The following OSGEP variants were observed in gnomAD, a reference collection of about 807,000 sequenced individuals.
OSGEP encodes O-sialoglycoprotein endopeptidase, also known as tRNA N6-adenosine threonylcarbamoyltransferase.
Under a neutral mutation model 44.1 loss-of-function variants are expected in OSGEP, and 39 were observed. The observed-to-expected ratio is 0.88, with a 90% confidence interval of 0.69 to 1.16. The LOEUF (loss-of-function observed/expected upper bound fraction) is 1.16, where lower values mean the gene tolerates loss of function less well. Among genes scored for constraint, OSGEP ranks in the 50% most tolerant of loss-of-function variants. The probability of loss-of-function intolerance (pLI) is 0.00; values close to 1 mark genes in which losing one functional copy is unlikely to be tolerated. For missense variants in OSGEP, 403 were observed against 443.1 expected, an observed-to-expected ratio of 0.91 and a Z score of 0.81; for synonymous variants, 139 against 161.9, an observed-to-expected ratio of 0.86 and a Z score of 1.07.
At chr14:20,451,872 T>C in intron 3 of OSGEP, 102 bp downstream of exon 3, 1 of 1,099,002 alleles carries the variant, frequency 9.1e-7, no homozygotes, top group Non-Finnish European at 1.3e-6. Flanking sequence ...TTCAGATAAG[T>C]CCATCTTTGT....
chr14:20,449,144 A>G (rs1341714085), intron 4 of OSGEP, 27 bp downstream of exon 4: 2 of 1,564,934 alleles, frequency 1.3e-6, no homozygotes, highest in Non-Finnish European at 1.8e-6. Flanking sequence ...CCCACATTTT[A>G]TGTTCTCTGC....
intron 10 of OSGEP, 39 bp downstream of exon 10, chr14:20,447,383 T>A: frequency 6.2e-7 from 1 of 1,603,796 alleles, no homozygotes; most frequent in Non-Finnish European, 8.5e-7. Context: ...TTTGTCTATG[T>A]CCCAATAATC....
chr14:20,454,724 T>C lies in OSGEP; in HGVS notation c.-41A>G, dbSNP rs768949628. On this transcript the variant is annotated 5_prime_UTR_variant, in exon 1 of 11. Transcript: ENST00000206542. ...AAAACGCCGACAGGACTCCTGGCAA[T>C]GTCAGGAGCTGTGGAGGTCCTCACT... The C allele has an allele frequency of 2.2e-5, 32 of 1,466,742 alleles. No individual in the cohort carries two copies. Among genetic ancestry groups the C allele is most frequent in the Middle Eastern group, 1.7e-4 (1 of 5,736 alleles). 90.9% of individuals were successfully genotyped at this position (1,466,742 alleles called of 1,614,324 possible). A position where few individuals can be genotyped will look rare whatever the true frequency, so the allele number is the denominator to read the frequency against.
intron 6 of OSGEP, 40 bp from the exon 7 acceptor site, chr14:20,448,211 G>A: frequency 6.4e-7 from 1 of 1,565,858 alleles, no homozygotes; most frequent in Non-Finnish European, 8.8e-7. Context: ...AACAAATCAT[G>A]GTTTTGGGAT....
Position 20,447,245 on chromosome 14 carries a change from C to T in OSGEP, c.1003G>A (p.Asp335Asn), listed in dbSNP as rs141130906. The T allele has an allele frequency of 1.2e-6, 2 of 1,613,736 alleles. No homozygotes were observed. Among genetic ancestry groups the T allele is most frequent in the African/African-American group, 2.7e-5 (2 of 74,912 alleles). ...RTDEVEVTWR[D>N] is the part of the protein sequence containing the mutation. The stretch of plus-strand genomic sequence containing the variant: ...CTCTGATTCTGTTGATCTTATTAGT[C>T]CCTCCAGGTCACCTCTACTTCATCT... Residue 335 changes from aspartate (D) to asparagine (N), a missense_variant, in exon 11 of 11, where the codon GAC becomes AAC. Transcript: ENST00000206542.
In OSGEP at chr14:20,447,634, G is replaced by A. The variant is rs1183576123; in HGVS notation, c.850C>T (p.Leu284Phe). Residue 284 changes from leucine (L) to phenylalanine (F), a missense_variant, in exon 9 of 11, where the codon CTT (leucine) becomes TTT (phenylalanine). Leu to Phe is a conservative substitution (Grantham distance 22). Coordinates refer to ENST00000206542, the MANE Select transcript of OSGEP (RefSeq NM_017807.4). ...CTTTACCTCTCATCTGTAGCAAAAA[G>A]CCGGGCTCCACGTTCCTGGCACATT... The part of the protein sequence containing the change: ...ATMCQERGAR[L>F]FATDERFCID... The A allele has an allele frequency of 2.5e-6, 4 of 1,613,920 alleles. No individual in the cohort carries two copies. Among genetic ancestry groups the A allele is most frequent in the African/African-American group, 1.3e-5 (1 of 74,912 alleles).
At chr14:20,447,393 C>T in intron 10 of OSGEP, 29 bp downstream of exon 10, 1 of 1,606,662 alleles carries the variant, frequency 6.2e-7, no homozygotes, top group South Asian at 1.1e-5. Flanking sequence ...TCCCAATAAT[C>T]TACCCTCACC....
At chr14:20,451,463 A>G (rs143132842) in intron 3 of OSGEP, 247 of 166,454 alleles carry the variant, frequency 1.5e-3, no homozygotes, top group African/African-American at 5.6e-3. Context: ...CTGCCACCAC[A>G]TCAAATTAAT....
rs1469603424 is a variant in OSGEP, at chr14:20,447,124, C to T, written c.*116G>A. On this transcript the variant is annotated 3_prime_UTR_variant, in exon 11 of 11. Coordinates refer to ENST00000206542, the MANE Select transcript of OSGEP (RefSeq NM_017807.4). ...CTGGGGTTCCATAAAGGACCCCAAG[C>T]CTTGCTTGGAGTCTATAGCTTTGCT... 8 of 882,592 alleles carry T rather than the reference C, an allele frequency of 9.1e-6. No individual in the cohort carries two copies. The East Asian group carries it at 1.9e-4, about 21-fold the overall frequency. 54.7% of individuals were successfully genotyped at this position (882,592 alleles called of 1,614,324 possible). A position where few individuals can be genotyped will look rare whatever the true frequency, so the allele number is the denominator to read the frequency against.
intron 3 of OSGEP, 129 bp downstream of exon 3, chr14:20,451,845 G>A (rs1881107348): frequency 9.7e-6 from 8 of 826,064 alleles, no homozygotes; most frequent in African/African-American, 1.8e-5. Flanking sequence ...GGGTTTTCTG[G>A]TCTACAGTAT....
Position 20,446,943 on chromosome 14 carries a change from T to TAA in OSGEP, c.*295_*296dup, listed in dbSNP as rs5807036. On this transcript the variant is annotated 3_prime_UTR_variant, in exon 11 of 11. Transcript: ENST00000206542. ...GGAAACACAGCAAGATTCCGTTTCT[T>TAA]AAAAAAAAAAAAAAAGATACCTCAT... is the stretch of plus-strand genomic sequence containing the variant. 2.2e-3 allele frequency: 651 copies of TAA among 294,312 alleles called. 2 individuals are homozygous for TAA. The highest frequency in any genetic ancestry group is 6.9e-3 in the African/African-American group (304 of 44,098). 18.2% of individuals were successfully genotyped at this position (294,312 alleles called of 1,614,324 possible).
intron 4 of OSGEP, 33 bp from the exon 5 acceptor site, chr14:20,449,046 T>C: frequency 1.9e-6 from 3 of 1,580,238 alleles, no homozygotes; most frequent in Non-Finnish European, 2.6e-6. Context: ...AAGGAGGGAA[T>C]GGAAGAGGAT....
rs761507305 is a variant in OSGEP, at chr14:20,447,181, G to A, written c.*59C>T. 75 of 1,451,024 alleles carry A rather than the reference G, an allele frequency of 5.2e-5. No homozygotes were observed. Among genetic ancestry groups the A allele is most frequent in the Non-Finnish European group, 6.3e-5 (65 of 1,031,506 alleles). 89.9% of individuals were successfully genotyped at this position (1,451,024 alleles called of 1,614,324 possible). A position where few individuals can be genotyped will look rare whatever the true frequency, so the allele number is the denominator to read the frequency against. ...CCCATGACATCAGGATAGAGATTGA[G>A]GCACGGGGTCCTTTGGGTTCCGATT... On this transcript the variant is annotated 3_prime_UTR_variant, in exon 11 of 11. Coordinates refer to ENST00000206542, the MANE Select transcript of OSGEP (RefSeq NM_017807.4).
In OSGEP at chr14:20,447,182, G is replaced by GC. The variant is rs1002386972; in HGVS notation, c.*57dup. Reference sequence around the variant, plus strand: ...CCATGACATCAGGATAGAGATTGAGGCACGGGGTCCTTTGGGTTCCGATTA... The same window carrying GC: ...CCATGACATCAGGATAGAGATTGAGGCCACGGGGTCCTTTGGGTTCCGATTA... On this transcript the variant is annotated 3_prime_UTR_variant, in exon 11 of 11. Coordinates refer to ENST00000206542, the MANE Select transcript of OSGEP (RefSeq NM_017807.4). 1.2e-5 allele frequency: 18 copies of GC among 1,449,102 alleles called. No individual in the cohort carries two copies. The African/African-American group carries it at 2.2e-4, about 18-fold the overall frequency. 89.8% of individuals were successfully genotyped at this position (1,449,102 alleles called of 1,614,324 possible). A position where few individuals can be genotyped will look rare whatever the true frequency, so the allele number is the denominator to read the frequency against.
rs771324521 is a variant in OSGEP, at chr14:20,447,381, T to C, written c.968+41A>G. 32 of 1,604,504 alleles carry C rather than the reference T, an allele frequency of 2.0e-5. No individual in the cohort carries two copies. The East Asian group carries it at 5.6e-4, about 28-fold the overall frequency. ...GACTCTTCCCTGCTGTTTTTGTCTA[T>C]GTCCCAATAATCTACCCTCACCAAG... On this transcript the variant is annotated intron_variant, in intron 10 of 10. Transcript: ENST00000206542.
intron 3 of OSGEP, chr14:20,449,671 C>T (rs1239515005): frequency 1.3e-5 from 3 of 230,546 alleles, no homozygotes; most frequent in East Asian, 1.1e-4. Flanking sequence ...GACAGGGTCT[C>T]GCTCTGTCTC....
At chr14:20,450,119 C>T (rs768844561) in intron 3 of OSGEP, 4 of 151,740 alleles carry the variant, frequency 2.6e-5, no homozygotes, top group Non-Finnish European at 4.4e-5. Flanking sequence ...TCTCAGCTCA[C>T]TGCAACCTCT....
At chr14:20,447,795 G>A (rs553854967) in intron 8 of OSGEP, 105 bp from the exon 9 acceptor site, 1 of 1,230,102 alleles carries the variant, frequency 8.1e-7, no homozygotes, top group African/African-American at 1.5e-5. Flanking sequence ...TAGGGGATTA[G>A]GGGCAAGGAT....
rs1371351164 is a variant in OSGEP, at chr14:20,446,999, G to A, written c.*241C>T. 7.0e-6 allele frequency: 3 copies of A among 431,142 alleles called. No homozygotes were observed. The highest frequency in any genetic ancestry group is 3.4e-5 in the East Asian group (1 of 29,290). 26.7% of individuals were successfully genotyped at this position (431,142 alleles called of 1,614,324 possible). On this transcript the variant is annotated 3_prime_UTR_variant, in exon 11 of 11. Transcript: ENST00000206542. ...GTTCCACAGCAGCAAGCTCCAACAA[G>A]AATTTATCCAGCACCAAATCTACAT...
Sources: allele counts gnomAD v4.1 joint callset, GRCh38; gene constraint gnomAD v4.1.1; transcripts MANE v1.5; gene names NCBI Gene and HGNC (gene_info 2026-07-23, HGNC 2026-07-21).